Variants in C13orf46 observed in about 807,000 individuals in gnomAD.
C13orf46 encodes chromosome 13 open reading frame 46, also known as uncharacterized protein C13orf46.
Position 113,954,196 on chromosome 13 carries a change from C to T in C13orf46, c.*2577G>A, listed in dbSNP as rs1021806660. On this transcript the variant is annotated 3_prime_UTR_variant, in exon 7 of 7. Transcript: ENST00000636427. ...CCACAGGGACGGCCCCCATGTGTCT[C>T]CACGGGAATAGACAGTGCACACAGC... The T allele has an allele frequency of 3.3e-5, 5 of 152,254 alleles. No homozygotes were observed. Among genetic ancestry groups the T allele is most frequent in the African/African-American group, 9.6e-5 (4 of 41,454 alleles). The allele number at this position is 152,254 out of a possible 1,614,324, so 9.4% of individuals were successfully genotyped here.
chr13:113,946,666 C>T, the C13orf46 span, among the ~76,000 whole-genome samples: 1 of 152,258 alleles, frequency 6.6e-6, no homozygotes, highest in Non-Finnish European at 1.5e-5. Flanking sequence ...GACGGAGAGC[C>T]TGTCCCTGTG....
downstream of C13orf46, among the ~76,000 whole-genome samples, chr13:113,950,749 G>A (rs1248486353): frequency 3.9e-5 from 6 of 152,320 alleles, no homozygotes; most frequent in African/African-American, 1.2e-4. Context: ...GCTGGGTCTG[G>A]GGTTCAGCAG....
chr13:113,948,295 C>T, the C13orf46 span, among the ~76,000 whole-genome samples: 2 of 152,306 alleles, frequency 1.3e-5, no homozygotes, highest in Non-Finnish European at 2.9e-5. Flanking sequence ...GACTGAAGCC[C>T]AGTGACTGGG....
chr13:113,951,811 C>T (rs908480035), downstream of C13orf46, among the ~76,000 whole-genome samples: 164 of 152,372 alleles, frequency 1.1e-3, 1 homozygote, highest in African/African-American at 3.7e-3. Context: ...CTGTCTACGA[C>T]GCCCAGAGGG....
intron 6 of C13orf46, among the ~76,000 whole-genome samples, chr13:113,959,759 T>C (rs975820558): frequency 2.6e-5 from 4 of 152,258 alleles, no homozygotes. Context: ...CATGTGGACT[T>C]GTCCAAGTTA....
intron 2 of C13orf46, 147 bp downstream of exon 2, chr13:113,970,024 C>T (rs2052687594): frequency 6.6e-6 from 1 of 152,210 alleles, no homozygotes; most frequent in Admixed American, 6.5e-5. Context: ...TGCGCGGGGT[C>T]TTCGCAGGAC....
chr13:113,972,688 G>A (rs541762579), intron 1 of C13orf46, among the ~76,000 whole-genome samples: 2 of 152,342 alleles, frequency 1.3e-5, no homozygotes, highest in African/African-American at 4.8e-5. Flanking sequence ...ACGTTTCGCG[G>A]TTTAGAAGCC....
At chr13:113,953,244 CT>C (rs1165044489), downstream of C13orf46, among the ~76,000 whole-genome samples, 8 of 152,232 alleles carry the variant, frequency 5.3e-5, no homozygotes, top group African/African-American at 9.6e-5. Context: ...CAGGTGGCCA[CT>C]CACATCCCAC....
At position 113,968,693 on chromosome 13, in the gene C13orf46, C is replaced by T. The variant is rs1431262639; in HGVS notation, c.310G>A (p.Gly104Arg). 6.6e-6 allele frequency: 1 copy of T among 152,370 alleles called. No homozygotes were observed. The highest frequency in any genetic ancestry group is 1.5e-5 in the Non-Finnish European group (1 of 68,120). The allele number at this position is 152,370 out of a possible 1,614,324, so 9.4% of individuals were successfully genotyped here. A position where few individuals can be genotyped will look rare whatever the true frequency, so the allele number is the denominator to read the frequency against. ...TTCTCCCTCTCTGGGTCTTGTTTTCCACTCTCATGACCCAGCTTCCCAAGG... is the reference window on the plus strand; with the variant it reads ...TTCTCCCTCTCTGGGTCTTGTTTTCTACTCTCATGACCCAGCTTCCCAAGG... ...STLGKLGHES[G>R]KQDPEREKSD... Residue 104 changes from glycine (G) to arginine (R), a missense_variant, in exon 3 of 7, where the codon GGA becomes AGA. Physicochemically the swap from Gly to Arg is moderately radical, Grantham distance 125. Coordinates refer to ENST00000636427, the MANE Select transcript of C13orf46 (RefSeq NM_001365455.2).
At chr13:113,936,722 T>C in the C13orf46 span, among the ~76,000 whole-genome samples, 48 of 151,188 alleles carry the variant, frequency 3.2e-4, 2 homozygotes, top group Non-Finnish European at 1.5e-5. Flanking sequence ...TGCTGACTGG[T>C]TGGGGGTGCA....
At position 113,956,633 on chromosome 13, in the gene C13orf46, C is replaced by T. The variant is rs2052537062; in HGVS notation, c.*140G>A. 1 of 152,392 alleles carries T rather than the reference C, an allele frequency of 6.6e-6. No homozygotes were observed. Among genetic ancestry groups the T allele is most frequent in the Non-Finnish European group, 1.5e-5 (1 of 68,180 alleles). The allele number at this position is 152,392 out of a possible 1,614,324, so 9.4% of individuals were successfully genotyped here. Reference sequence around the variant, plus strand: ...AGTCCCACAAGAAGAAAACAGAAACCTCAGTGCCTGGCAGAGAAGGCTCTT... The same window carrying T: ...AGTCCCACAAGAAGAAAACAGAAACTTCAGTGCCTGGCAGAGAAGGCTCTT... On this transcript the variant is annotated 3_prime_UTR_variant, in exon 7 of 7. Transcript: ENST00000636427.
chr13:113,967,945 G>A (rs2052666209), intron 4 of C13orf46, among the ~76,000 whole-genome samples: 1 of 152,204 alleles, frequency 6.6e-6, no homozygotes, highest in South Asian at 2.1e-4. Flanking sequence ...TCTGATGGGA[G>A]CATTTGAGTC....
At chr13:113,942,039 A>T in the C13orf46 span, among the ~76,000 whole-genome samples, 1 of 152,372 alleles carries the variant, frequency 6.6e-6, no homozygotes, top group East Asian at 1.9e-4. Flanking sequence ...ATTAAAAAGT[A>T]AGAGCTTGTG....
the C13orf46 span, among the ~76,000 whole-genome samples, chr13:113,946,157 C>T: frequency 7.2e-5 from 11 of 152,324 alleles, no homozygotes; most frequent in South Asian, 4.1e-4. Context: ...GGATTGGTGA[C>T]GGCTTTATTT....
At chr13:113,969,646 T>C (rs1475562653) in intron 2 of C13orf46, among the ~76,000 whole-genome samples, 1 of 152,196 alleles carries the variant, frequency 6.6e-6, no homozygotes, top group Non-Finnish European at 1.5e-5. Flanking sequence ...TCAATGACTT[T>C]TAAGTCTTCT....
chr13:113,969,812 A>G (rs2052685207), intron 2 of C13orf46, among the ~76,000 whole-genome samples: 1 of 152,100 alleles, frequency 6.6e-6, no homozygotes, highest in South Asian at 2.1e-4. Context: ...GTTTACATCT[A>G]AGGTGGGCCC....
At chr13:113,960,255 C>CA (rs879036504) in intron 6 of C13orf46, among the ~76,000 whole-genome samples, 93,366 of 150,694 alleles carry the variant, frequency 0.62, 29,547 homozygotes, top group Non-Finnish European at 0.7. Flanking sequence ...GACTCTGTCT[C>CA]AAAAAAAAAG....
Position 113,969,774 on chromosome 13 carries a change from G to T in C13orf46, c.242+397C>A, listed in dbSNP as rs1043442677. 3.1e-3 allele frequency among the ~76,000 whole-genome samples: 479 copies of T among 152,208 alleles called. 2 individuals carry two copies. The highest frequency in any genetic ancestry group is 0.011 in the African/African-American group (448 of 41,518). ...GGGGATGTGCTGTCCAGGGCCCCAC[G>T]CCCTCTCCCTAAAGGAGCACTCGAG... On this transcript the variant is annotated intron_variant, in intron 2 of 6. Transcript: ENST00000636427.
the C13orf46 span, chr13:113,927,615 G>C: frequency 2.5e-6 from 1 of 398,586 alleles, no homozygotes; most frequent in Non-Finnish European, 4.4e-6. Context: ...AGTGAGCCTT[G>C]CTGGCCTGAT....
Sources: allele counts gnomAD v4.1 joint callset (sites outside exome capture counted in the v4.1 genomes callset), GRCh38; gene constraint gnomAD v4.1.1; transcripts MANE v1.5; gene names NCBI Gene and HGNC (gene_info 2026-07-23, HGNC 2026-07-21).